Variants in GPM6B observed in about 807,000 individuals in gnomAD.
The protein encoded by GPM6B is glycoprotein M6B.
GPM6B carries 4 observed loss-of-function variants against 27.2 expected under a neutral mutation model. The observed-to-expected ratio is 0.15, with a 90% confidence interval of 0.07 to 0.34. The LOEUF (loss-of-function observed/expected upper bound fraction) is 0.34, where lower values mean the gene tolerates loss of function less well. Among genes scored for constraint, GPM6B ranks in the 10% least tolerant of loss-of-function variants. The probability of loss-of-function intolerance (pLI) is 1.00; values close to 1 mark genes in which losing one functional copy is unlikely to be tolerated. For synonymous variants in GPM6B, 124 were observed against 103.1 expected, an observed-to-expected ratio of 1.20 and a Z score of -1.23; for missense variants, 183 against 261.9, an observed-to-expected ratio of 0.70 and a Z score of 2.08.
rs768092899 is a variant in GPM6B at position 13,779,931 on chromosome X, G to A, written c.584C>T (p.Ala195Val). The change falls in exon 5 of 8, where the codon GCG becomes GTG. Residue 195 changes from alanine to valine, a missense_variant. By Grantham distance (64) the Ala-to-Val change is moderately conservative. Coordinates refer to ENST00000316715, the MANE Select transcript of GPM6B (RefSeq NM_001001995.3). ...VAWLGVFGFS[A>V]VPVFMFYNIW... ...GTTGTAGAACATAAACACGGGCACC[G>A]CTGAGAAACCAAACACACCCAGCCA... is the stretch of plus-strand genomic sequence containing the variant. 9 of 1,198,998 alleles carry A rather than the reference G, an allele frequency of 7.5e-6. No individual in the cohort carries two copies. The highest frequency in any genetic ancestry group is 6.0e-5 in the East Asian group (2 of 33,587).
rs192761269 is a variant in GPM6B at position 13,840,985 on chromosome X, A to G, written c.-197-55177T>C. On this transcript the variant is annotated intron_variant, in intron 1 of 6. Coordinates refer to the GPM6B transcript ENST00000398361. ...TATTTAAGTGAAAGTATGTGATTGC[A>G]TATATGCATGCATGGGTGTATGTGC... is the stretch of plus-strand genomic sequence containing the variant. Among the ~76,000 whole-genome samples the G allele has an allele frequency of 4.4e-5, 5 of 112,427 alleles. No homozygotes were observed. The East Asian group carries it at 1.4e-3, about 31-fold the overall frequency.
intron 2 of GPM6B, among the ~76,000 whole-genome samples, chrX:13,806,724 C>T (rs1314134490): frequency 1.8e-5 from 2 of 111,543 alleles, no homozygotes; most frequent in East Asian, 5.5e-4. Context: ...TGGAGCTGTA[C>T]CATGCTACAT....
intron 1 of GPM6B, among the ~76,000 whole-genome samples, chrX:13,853,590 CAA>C (rs66531403): frequency 0.021 from 793 of 38,482 alleles, 13 homozygotes; most frequent in African/African-American, 0.078. Flanking sequence ...GACACCACCT[CAA>C]AAAAAAAAAA....
At position 13,874,349 on chromosome X, in the gene GPM6B, C is replaced by G. The variant is rs765477503; in HGVS notation, c.-198+63978G>C. 8.1e-5 allele frequency among the ~76,000 whole-genome samples: 9 copies of G among 111,202 alleles called. No homozygotes were observed. The East Asian group carries it at 1.4e-3, about 17-fold the overall frequency. Reference sequence around the variant, plus strand: ...AAATATTCACTGAGCACTGACTATACTCAACACATTCTGGAAGGTGCTAGG... The same window carrying G: ...AAATATTCACTGAGCACTGACTATAGTCAACACATTCTGGAAGGTGCTAGG... On this transcript the variant is annotated intron_variant, in intron 1 of 6. Coordinates refer to the GPM6B transcript ENST00000398361.
At chrX:13,789,132 A>G (rs780476957) in intron 2 of GPM6B, among the ~76,000 whole-genome samples, 3 of 112,167 alleles carry the variant, frequency 2.7e-5, no homozygotes, top group African/African-American at 9.7e-5. Flanking sequence ...ATAGGACATA[A>G]TACAGCTGGA....
At chrX:13,877,077 A>G (rs762986516) in intron 1 of GPM6B, among the ~76,000 whole-genome samples, 9 of 111,111 alleles carry the variant, frequency 8.1e-5, no homozygotes, top group Non-Finnish European at 1.7e-4. Context: ...CACTCCCACA[A>G]AACAGCCCCT....
At chrX:13,805,597 G>A (rs1032424250) in intron 2 of GPM6B, among the ~76,000 whole-genome samples, 1 of 112,361 alleles carries the variant, frequency 8.9e-6, no homozygotes, top group Non-Finnish European at 1.9e-5. Flanking sequence ...CTGCTGCTAT[G>A]AATGCCCAGA....
chrX:13,872,407 C>T (rs1473031446), intron 1 of GPM6B, among the ~76,000 whole-genome samples: 2 of 110,452 alleles, frequency 1.8e-5, no homozygotes, highest in African/African-American at 6.6e-5. Context: ...TGGGCTCAAG[C>T]AATCCTCCTG....
chrX:13,772,937 G>C lies in GPM6B; in HGVS notation c.931C>G (p.Gln311Glu), dbSNP rs527814841. The C allele has an allele frequency of 5.8e-5, 70 of 1,207,854 alleles. 1 individual carries two copies. In the South Asian group the frequency reaches 1.1e-3, roughly 19 times the overall value. ...AYQDIKAKEE[Q>E]ELQDIQSRSK... ...CGAGACTGGATATCTTGCAGTTCCTGTTCTTCCTTTGCTTTGATATCCTGG... is the reference window on the plus strand; with the variant it reads ...CGAGACTGGATATCTTGCAGTTCCTCTTCTTCCTTTGCTTTGATATCCTGG... The change falls in exon 8 of 8, where the codon CAG (glutamine) becomes GAG (glutamate). Residue 311 changes from glutamine (Q) to glutamate (E), a missense_variant. Coordinates refer to ENST00000316715, the MANE Select transcript of GPM6B (RefSeq NM_001001995.3).
intron 1 of GPM6B, among the ~76,000 whole-genome samples, chrX:13,816,614 C>G (rs1229645645): frequency 9.0e-6 from 1 of 111,165 alleles, no homozygotes. Context: ...ATAGACATCC[C>G]TCTATGAAAT....
chrX:13,834,879 T>C (rs1164930651), intron 1 of GPM6B, among the ~76,000 whole-genome samples: 1 of 112,397 alleles, frequency 8.9e-6, no homozygotes, highest in Non-Finnish European at 1.9e-5. Context: ...TGTCAGTTAA[T>C]AACTCATCTG....
chrX:13,857,245 G>T lies in GPM6B; in HGVS notation c.-197-71437C>A, dbSNP rs1252337772. On this transcript the variant is annotated intron_variant, in intron 1 of 6. Coordinates refer to the GPM6B transcript ENST00000398361. ...AGGGAACATATTCACAGGTTTCATG[G>T]CTTATGACCTGGACATCTAGGGGGG... is the stretch of plus-strand genomic sequence containing the variant. Among the ~76,000 whole-genome samples, 6 of 111,534 alleles carry T rather than the reference G, an allele frequency of 5.4e-5. No individual in the cohort carries two copies. The East Asian group carries it at 1.7e-3, about 31-fold the overall frequency.
At chrX:13,812,044 C>T (rs767418964) in intron 1 of GPM6B, among the ~76,000 whole-genome samples, 10 of 82,644 alleles carry the variant, frequency 1.2e-4, no homozygotes, top group Non-Finnish European at 1.6e-4. Flanking sequence ...CTTTTCTTTT[C>T]TTTCTTTTTT....
intron 1 of GPM6B, among the ~76,000 whole-genome samples, chrX:13,883,693 TAAA>T (rs763473816): frequency 1.3e-5 from 1 of 76,954 alleles, no homozygotes. Context: ...CTTCGTCTCT[TAAA>T]AAAAAAAAAA....
chrX:13,854,426 T>C (rs1327974291), intron 1 of GPM6B, among the ~76,000 whole-genome samples: 6 of 111,780 alleles, frequency 5.4e-5, no homozygotes, highest in Non-Finnish European at 3.8e-5. Flanking sequence ...GGCTTAGAAC[T>C]GAGATTTAAA....
chrX:13,830,349 A>C (rs2049423981), intron 1 of GPM6B, among the ~76,000 whole-genome samples: 1 of 112,258 alleles, frequency 8.9e-6, no homozygotes, highest in Non-Finnish European at 1.9e-5. Flanking sequence ...TGAATGACCA[A>C]GGAACCTGAC....
chrX:13,830,623 TTG>T (rs200178205), intron 1 of GPM6B, among the ~76,000 whole-genome samples: 1 of 112,282 alleles, frequency 8.9e-6, no homozygotes, highest in African/African-American at 3.2e-5. Flanking sequence ...AAAATACAAA[TTG>T]TGTGTCAGTG....
intron 1 of GPM6B, among the ~76,000 whole-genome samples, chrX:13,879,239 T>A (rs2050070829): frequency 8.9e-6 from 1 of 112,243 alleles, no homozygotes; most frequent in South Asian, 3.7e-4. Context: ...ACTAAAAATC[T>A]GTCTGCTTTC....
At chrX:13,902,824 G>A (rs1037625758) in intron 1 of GPM6B, among the ~76,000 whole-genome samples, 1 of 111,781 alleles carries the variant, frequency 8.9e-6, no homozygotes, top group African/African-American at 3.3e-5. Context: ...CAGCACCACA[G>A]ACAACAACAG....
Sources: allele counts gnomAD v4.1 joint callset (sites outside exome capture counted in the v4.1 genomes callset), GRCh38; gene constraint gnomAD v4.1.1; transcripts MANE v1.5; gene names NCBI Gene and HGNC (gene_info 2026-07-23, HGNC 2026-07-21).